WDR41: variants seen among roughly 807,000 people sequenced by gnomAD.
The protein encoded by WDR41 is WD repeat domain 41.
Under a neutral mutation model 69.3 loss-of-function variants are expected in WDR41, and 63 were observed. The observed-to-expected ratio is 0.91, with a 90% CI of 0.74 to 1.12. The LOEUF (loss-of-function observed/expected upper bound fraction) is 1.12. WDR41 is among the 50% of genes most tolerant of loss of function. WDR41 has a pLI of 0.00. For missense variants in WDR41, 543 were observed against 534.5 expected, an observed-to-expected ratio of 1.02 and a Z score of -0.16; for synonymous variants, 185 against 192.1, an observed-to-expected ratio of 0.96 and a Z score of 0.31.
intron 1 of WDR41, chr5:77,491,767 G>T (rs1275599738): frequency 5.2e-6 from 1 of 193,734 alleles, no homozygotes; most frequent in African/African-American, 2.3e-5. Flanking sequence ...ACCAAAAGTG[G>T]AAAGCTGCGG....
chr5:77,536,628 A>G (rs1423544936), intron 1 of WDR41, among the ~76,000 whole-genome samples: 1 of 152,196 alleles, frequency 6.6e-6, no homozygotes. Flanking sequence ...AGATTATAAT[A>G]CCATATTTTT....
intron 5 of WDR41, among the ~76,000 whole-genome samples, chr5:77,458,395 TTAAAG>T (rs1051351742): frequency 1.3e-5 from 2 of 152,126 alleles, no homozygotes; most frequent in African/African-American, 2.4e-5. Context: ...TCAGTTATCC[TTAAAG>T]TAAATGAGGG....
intron 1 of WDR41, chr5:77,582,526 T>G (rs1028725562): frequency 6.3e-7 from 1 of 1,599,052 alleles, no homozygotes. Context: ...GAAGCTTATC[T>G]ATGAAAAAGC....
At chr5:77,507,980 A>C (rs549343462) in intron 1 of WDR41, among the ~76,000 whole-genome samples, 7 of 152,160 alleles carry the variant, frequency 4.6e-5, no homozygotes, top group Non-Finnish European at 7.4e-5. Context: ...AACCTCTATC[A>C]ATCTGTTCTC....
At chr5:77,546,995 C>T (rs2112234313) in intron 1 of WDR41, among the ~76,000 whole-genome samples, 1 of 152,230 alleles carries the variant, frequency 6.6e-6, no homozygotes, top group African/African-American at 2.4e-5. Context: ...TGTGATACAT[C>T]ACATAAACAG....
At chr5:77,523,942 G>C (rs1428608287) in intron 1 of WDR41, among the ~76,000 whole-genome samples, 6 of 152,182 alleles carry the variant, frequency 3.9e-5, no homozygotes, top group Non-Finnish European at 5.9e-5. Context: ...GGAGCATCTA[G>C]TTACCTAGGG....
chr5:77,451,491 T>G (rs1483150377), intron 6 of WDR41, 138 bp from the exon 7 acceptor site: 5 of 685,522 alleles, frequency 7.3e-6, no homozygotes, highest in Non-Finnish European at 9.9e-6. Flanking sequence ...CACACTTCCT[T>G]GCTTGCTTAC....
At chr5:77,594,031 T>C (rs552023358) in intron 1 of WDR41, among the ~76,000 whole-genome samples, 1 of 152,096 alleles carries the variant, frequency 6.6e-6, no homozygotes, top group East Asian at 1.9e-4. Flanking sequence ...AGATAGATGA[T>C]AGATACATAG....
At chr5:77,489,408 TAAAA>T in intron 2 of WDR41, 45 bp downstream of exon 2, 1 of 1,231,488 alleles carries the variant, frequency 8.1e-7, no homozygotes, top group Non-Finnish European at 1.1e-6. Context: ...TAAAATTCCC[TAAAA>T]CCTCTTCCCA....
At chr5:77,533,256 T>C (rs1369411297) in intron 1 of WDR41, among the ~76,000 whole-genome samples, 1 of 152,206 alleles carries the variant, frequency 6.6e-6, no homozygotes, top group Non-Finnish European at 1.5e-5. Flanking sequence ...TGTTTATTTA[T>C]TTACTTTTGG....
intron 1 of WDR41, among the ~76,000 whole-genome samples, chr5:77,542,044 G>C (rs912367602): frequency 6.6e-6 from 1 of 152,088 alleles, no homozygotes; most frequent in African/African-American, 2.4e-5. Flanking sequence ...TGATAGGCTG[G>C]ATAAAGAAAA....
At chr5:77,554,440 G>A (rs1378253674) in intron 1 of WDR41, among the ~76,000 whole-genome samples, 1 of 152,034 alleles carries the variant, frequency 6.6e-6, no homozygotes, top group African/African-American at 2.4e-5. Context: ...TAGTGCTCTT[G>A]TAGAAGAGAT....
chr5:77,433,892 TGC>T (rs1798829417), intron 12 of WDR41, among the ~76,000 whole-genome samples: 1 of 152,220 alleles, frequency 6.6e-6, no homozygotes, highest in Admixed American at 6.5e-5. Flanking sequence ...GGAAGGGGCT[TGC>T]CCAGTGAAGG....
chr5:77,616,774 G>A (rs1478764986), intron 1 of WDR41, among the ~76,000 whole-genome samples: 1 of 152,104 alleles, frequency 6.6e-6, no homozygotes, highest in Non-Finnish European at 1.5e-5. Flanking sequence ...ACCACTGATG[G>A]AAAATCACCG....
At chr5:77,552,469 T>C (rs1743317027) in intron 1 of WDR41, among the ~76,000 whole-genome samples, 1 of 152,240 alleles carries the variant, frequency 6.6e-6, no homozygotes, top group African/African-American at 2.4e-5. Context: ...TCTCCCCAAA[T>C]TGGTCTATAG....
In WDR41 at chr5:77,449,762, T is replaced by G. The variant is rs370687172; in HGVS notation, c.695A>C (p.Asn232Thr). Residue 232 changes from asparagine to threonine, a missense_variant and splice_region_variant, in exon 8 of 13, where the codon AAT (asparagine) becomes ACT (threonine). Physicochemically the swap from Asn to Thr is moderately conservative, Grantham distance 65. Coordinates refer to ENST00000296679, the MANE Select transcript of WDR41 (RefSeq NM_018268.4). ...ATAAATGTACACAATGAGCTTACCA[T>G]TGACATTAATCAATGAGAGAATATT... is the stretch of plus-strand genomic sequence containing the variant. Reference protein sequence around the residue: ...QDNILSLINVNDLSFVTGSHV... With the variant: ...QDNILSLINVTDLSFVTGSHV... 6.2e-7 allele frequency: 1 copy of G among 1,600,356 alleles called. No homozygotes were observed. The highest frequency in any genetic ancestry group is 1.3e-5 in the African/African-American group (1 of 74,596).
intron 1 of WDR41, among the ~76,000 whole-genome samples, chr5:77,620,236 T>C (rs1030276393): frequency 1.6e-4 from 24 of 152,294 alleles, no homozygotes; most frequent in African/African-American, 5.8e-4. Flanking sequence ...TCACCCTTAC[T>C]TGCCTCCTAC....
chr5:77,618,163 C>T (rs942903889), intron 1 of WDR41, among the ~76,000 whole-genome samples: 1 of 152,214 alleles, frequency 6.6e-6, no homozygotes, highest in Non-Finnish European at 1.5e-5. Flanking sequence ...ATCAATCACA[C>T]TTAATTCCCC....
At chr5:77,484,764 C>T (rs1056328335) in intron 2 of WDR41, among the ~76,000 whole-genome samples, 26 of 152,152 alleles carry the variant, frequency 1.7e-4, no homozygotes, top group Admixed American at 1.5e-3. Flanking sequence ...GTGTGGCAGA[C>T]GCCAATACCT....
Sources: allele counts gnomAD v4.1 joint callset (sites outside exome capture counted in the v4.1 genomes callset), GRCh38; gene constraint gnomAD v4.1.1; transcripts MANE v1.5; gene names NCBI Gene and HGNC (gene_info 2026-07-23, HGNC 2026-07-21).